The following STXBP5L variants were observed in gnomAD, a reference collection of about 807,000 sequenced individuals.
The protein encoded by STXBP5L is syntaxin binding protein 5L, also known as syntaxin-binding protein 5-like.
STXBP5L carries 65 observed loss-of-function variants against 144.5 expected under a neutral mutation model. The observed-to-expected ratio is 0.45, with a 90% CI of 0.37 to 0.55. STXBP5L has a LOEUF of 0.55. STXBP5L is among the 20% of genes least tolerant of loss of function. The pLI, the probability that STXBP5L is intolerant of heterozygous loss-of-function variation, is 0.00. For synonymous variants in STXBP5L, 505 were observed against 469.6 expected, an observed-to-expected ratio of 1.08 and a Z score of -0.97; for missense variants, 1,298 against 1,405.5, an observed-to-expected ratio of 0.92 and a Z score of 1.22.
chr3:120,962,822 G>A (rs1226758424), intron 3 of STXBP5L, among the ~76,000 whole-genome samples: 3 of 152,180 alleles, frequency 2.0e-5, no homozygotes, highest in African/African-American at 7.2e-5. Flanking sequence ...AAAGTCATTG[G>A]TAGCTTGATG....
intron 12 of STXBP5L, among the ~76,000 whole-genome samples, chr3:121,234,912 G>T (rs1031041136): frequency 6.6e-6 from 1 of 151,266 alleles, no homozygotes; most frequent in East Asian, 1.9e-4. Context: ...ATATTTGTTG[G>T]TTACTCGTAC....
intron 10 of STXBP5L, among the ~76,000 whole-genome samples, chr3:121,222,378 T>G (rs748607681): frequency 1.3e-5 from 2 of 151,934 alleles, no homozygotes; most frequent in Non-Finnish European, 2.9e-5. Flanking sequence ...ATATATGGAG[T>G]TTATACTGAT....
chr3:121,096,370 T>G (rs2043130000), intron 5 of STXBP5L, among the ~76,000 whole-genome samples: 1 of 152,240 alleles, frequency 6.6e-6, no homozygotes, highest in Admixed American at 6.5e-5. Context: ...TTAATCAAAC[T>G]CATTCTCCAT....
intron 5 of STXBP5L, among the ~76,000 whole-genome samples, chr3:121,091,127 C>T (rs920185702): frequency 1.3e-5 from 2 of 148,846 alleles, no homozygotes; most frequent in Non-Finnish European, 1.5e-5. Context: ...TTTATGGCTG[C>T]ATAGTATTCC....
intron 20 of STXBP5L, among the ~76,000 whole-genome samples, chr3:121,366,831 T>C (rs545941650): frequency 6.6e-6 from 1 of 152,260 alleles, no homozygotes; most frequent in African/African-American, 2.4e-5. Flanking sequence ...TTTTTATTAC[T>C]GTTTGTGTGT....
chr3:120,995,236 C>T (rs1047350480), intron 3 of STXBP5L, among the ~76,000 whole-genome samples: 2 of 152,148 alleles, frequency 1.3e-5, no homozygotes, highest in Non-Finnish European at 2.9e-5. Context: ...CAACCTTGAC[C>T]TTCTAGGCTC....
intron 5 of STXBP5L, among the ~76,000 whole-genome samples, chr3:121,107,005 CT>C (rs1276230444): frequency 6.6e-5 from 10 of 151,974 alleles, no homozygotes; most frequent in African/African-American, 2.2e-4. Flanking sequence ...TGATATTGAA[CT>C]TTTTTTCATG....
intron 2 of STXBP5L, among the ~76,000 whole-genome samples, chr3:120,950,380 G>T (rs1238124748): frequency 1.3e-5 from 2 of 151,998 alleles, no homozygotes; most frequent in Non-Finnish European, 2.9e-5. Flanking sequence ...TAATCTATAT[G>T]TCTATCCTTA....
At chr3:121,094,105 G>C (rs896238142) in intron 5 of STXBP5L, among the ~76,000 whole-genome samples, 16 of 152,168 alleles carry the variant, frequency 1.1e-4, no homozygotes, top group Non-Finnish European at 1.8e-4. Context: ...TTAATCCTGA[G>C]TTCTAGTTTG....
chr3:121,064,426 G>C (rs1407650287), intron 5 of STXBP5L, among the ~76,000 whole-genome samples: 1 of 152,184 alleles, frequency 6.6e-6, no homozygotes, highest in African/African-American at 2.4e-5. Context: ...TGGCCATCTT[G>C]CCAGCCGCTC....
chr3:121,360,062 A>G (rs1034040884), intron 20 of STXBP5L, among the ~76,000 whole-genome samples: 1 of 146,424 alleles, frequency 6.8e-6, no homozygotes, highest in Admixed American at 7.0e-5. Context: ...AATAATATAT[A>G]TAATATATAT....
At chr3:120,942,804 A>G (rs1381033735) in intron 2 of STXBP5L, among the ~76,000 whole-genome samples, 1 of 151,506 alleles carries the variant, frequency 6.6e-6, no homozygotes, top group African/African-American at 2.4e-5. Context: ...GGAATAGCAA[A>G]TATATATGTT....
intron 7 of STXBP5L, among the ~76,000 whole-genome samples, chr3:121,138,438 CTAAA>C: frequency 6.6e-6 from 1 of 152,216 alleles, no homozygotes. Flanking sequence ...ATAAGAGACT[CTAAA>C]TAACCAAAGC....
chr3:121,305,513 A>AAAATCG, intron 19 of STXBP5L, among the ~76,000 whole-genome samples: 1 of 152,290 alleles, frequency 6.6e-6, no homozygotes, highest in East Asian at 1.9e-4. Context: ...TTTGAAAATC[A>AAAATCG]ATGAATGTAA....
intron 3 of STXBP5L, among the ~76,000 whole-genome samples, chr3:120,971,748 A>G (rs768779124): frequency 1.3e-5 from 2 of 148,702 alleles, no homozygotes; most frequent in African/African-American, 5.0e-5. Flanking sequence ...GTATATATAT[A>G]TCACATTTTA....
chr3:121,174,835 T>A (rs1054694637), intron 9 of STXBP5L, among the ~76,000 whole-genome samples: 3 of 152,024 alleles, frequency 2.0e-5, no homozygotes, highest in Non-Finnish European at 2.9e-5. Context: ...CAAAGCCAAA[T>A]GTCCTCTATT....
At chr3:120,933,401 G>T (rs530624383) in intron 2 of STXBP5L, among the ~76,000 whole-genome samples, 2 of 152,146 alleles carry the variant, frequency 1.3e-5, no homozygotes, top group East Asian at 3.9e-4. Context: ...TATACTGATG[G>T]AGTAGTGTCA....
At chr3:121,319,624 C>T (rs2043902900) in intron 20 of STXBP5L, among the ~76,000 whole-genome samples, 3 of 152,202 alleles carry the variant, frequency 2.0e-5, no homozygotes, top group African/African-American at 7.2e-5. Flanking sequence ...TTTATTGCCT[C>T]ATACCTATGG....
chr3:121,237,618 C>A (rs1369570144), intron 12 of STXBP5L, among the ~76,000 whole-genome samples: 1 of 152,214 alleles, frequency 6.6e-6, no homozygotes, highest in African/African-American at 2.4e-5. Context: ...CATGGCCAGG[C>A]TGCAAATTTT....
Sources: gnomAD v4.1 joint callset for allele counts (sites outside exome capture counted in the v4.1 genomes callset) on GRCh38, gnomAD v4.1.1 for gene constraint, MANE v1.5 for transcripts, NCBI Gene and HGNC (gene_info 2026-07-23, HGNC 2026-07-21) for gene names.